The following SMAP1 variants were observed in gnomAD, a reference collection of about 807,000 sequenced individuals.
SMAP1 encodes the protein small ArfGAP 1.
In SMAP1, 24 loss-of-function variants were observed where a neutral mutation model predicts 58.5. The ratio of observed to expected loss-of-function variants is 0.41; its 90% CI spans 0.30 to 0.58. SMAP1 has a LOEUF of 0.58. SMAP1 is among the 20% of genes least tolerant of loss of function. The probability of loss-of-function intolerance (pLI) is 0.29; values close to 1 mark genes in which losing one functional copy is unlikely to be tolerated. For missense variants in SMAP1, 563 were observed against 566.3 expected, an observed-to-expected ratio of 0.99 and a Z score of 0.06; for synonymous variants, 216 against 196.6, an observed-to-expected ratio of 1.10 and a Z score of -0.82.
chr6:70,773,359 AT>A lies in SMAP1; in HGVS notation c.353del (p.Phe118SerfsTer17). 1 of 1,568,254 alleles carries A rather than the reference AT, an allele frequency of 6.4e-7. No homozygotes were observed. Among genetic ancestry groups the A allele is most frequent in the Non-Finnish European group, 8.7e-7 (1 of 1,145,426 alleles). ...RRPQTDQAVE[F>X]FIRDKYEKKK... ...AGTTATCTGTTTTCAGAGCAGTGGA[AT>A]TTTTCATCAGAGATAAATATGAAAA... On this transcript the variant is annotated frameshift_variant, in exon 4 of 11. Coordinates refer to ENST00000370455, the MANE Select transcript of SMAP1 (RefSeq NM_001044305.3). LOFTEE classifies it high-confidence loss of function.
chr6:70,860,013 GAAAGTAGAT>G, intron 10 of SMAP1, 178 bp from the exon 11 acceptor site: 1 of 536,528 alleles, frequency 1.9e-6, no homozygotes, highest in East Asian at 3.5e-5. Context: ...ACTGTATCTA[GAAAGTAGAT>G]AAAGAAGGGA....
chr6:70,670,351 A>G (rs1489550198), intron 1 of SMAP1, among the ~76,000 whole-genome samples: 1 of 152,250 alleles, frequency 6.6e-6, no homozygotes, highest in African/African-American at 2.4e-5. Context: ...CAGGCAAAAA[A>G]TCACAGGTAA....
intron 6 of SMAP1, among the ~76,000 whole-genome samples, chr6:70,820,012 C>T (rs1769815893): frequency 6.6e-6 from 1 of 152,254 alleles, no homozygotes; most frequent in Non-Finnish European, 1.5e-5. Context: ...TTGATTTCTG[C>T]TCCAGGAAGA....
chr6:70,698,108 C>T (rs1247794938), intron 1 of SMAP1, among the ~76,000 whole-genome samples: 1 of 152,140 alleles, frequency 6.6e-6, no homozygotes, highest in Non-Finnish European at 1.5e-5. Context: ...GATGAAATCC[C>T]TTAGCTTTTG....
rs147805669 is a variant in SMAP1, at chr6:70,856,944, CAGA to C, written c.881_883del (p.Glu294del). On this transcript the variant is annotated inframe_deletion, in exon 9 of 11. Coordinates refer to ENST00000370455, the MANE Select transcript of SMAP1 (RefSeq NM_001044305.3). The stretch of plus-strand genomic sequence containing the variant: ...TTATTCACTGAGCAAACTACAAAAT[CAGA>C]AGAAGTGGCAAAGAAACAACTTTCC... The C allele has an allele frequency of 2.7e-5, 43 of 1,613,940 alleles. No individual in the cohort carries two copies. Among genetic ancestry groups the C allele is most frequent in the Middle Eastern group, 3.3e-4 (2 of 6,060 alleles).
chr6:70,782,926 T>G (rs1767823087), intron 4 of SMAP1, among the ~76,000 whole-genome samples: 1 of 152,120 alleles, frequency 6.6e-6, no homozygotes, highest in South Asian at 2.1e-4. Context: ...ATCTGAGCTT[T>G]GAAGAGAGTA....
intron 1 of SMAP1, among the ~76,000 whole-genome samples, chr6:70,689,099 C>T (rs928205979): frequency 9.9e-5 from 15 of 152,030 alleles, no homozygotes; most frequent in African/African-American, 2.7e-4. Flanking sequence ...TCCCAATCTG[C>T]TTCAAGTGAT....
At chr6:70,763,108 T>C (rs1055956081) in intron 3 of SMAP1, among the ~76,000 whole-genome samples, 1 of 87,526 alleles carries the variant, frequency 1.1e-5, no homozygotes, top group African/African-American at 7.2e-5. Flanking sequence ...AGATATTACT[T>C]TTTTTTTTTT....
intron 1 of SMAP1, among the ~76,000 whole-genome samples, chr6:70,723,935 T>C (rs976785526): frequency 1.3e-5 from 2 of 152,180 alleles, no homozygotes; most frequent in Admixed American, 6.5e-5. Flanking sequence ...TATTATGTTA[T>C]TGGTTTGCTT....
At chr6:70,785,126 A>G (rs1211115315) in intron 4 of SMAP1, among the ~76,000 whole-genome samples, 1 of 152,256 alleles carries the variant, frequency 6.6e-6, no homozygotes, top group Non-Finnish European at 1.5e-5. Context: ...GTGCAATCAA[A>G]CTAGAACTCA....
chr6:70,806,629 A>T (rs1769146227), intron 6 of SMAP1, among the ~76,000 whole-genome samples: 1 of 152,182 alleles, frequency 6.6e-6, no homozygotes, highest in African/African-American at 2.4e-5. Context: ...TTGGATGAAG[A>T]TCCACCTCGT....
chr6:70,682,182 T>TG (rs1441231281), intron 1 of SMAP1, among the ~76,000 whole-genome samples: 1 of 22,464 alleles, frequency 4.5e-5, no homozygotes, highest in Non-Finnish European at 8.4e-5. Flanking sequence ...TTTTTTTTTT[T>TG]TTTTTTTTTT....
chr6:70,846,003 G>A (rs1387741784), intron 7 of SMAP1, among the ~76,000 whole-genome samples: 2 of 152,148 alleles, frequency 1.3e-5, no homozygotes, highest in Non-Finnish European at 1.5e-5. Flanking sequence ...CAGAGGAAGA[G>A]GAGCCAGTCC....
chr6:70,773,268 C>A, intron 3 of SMAP1, 82 bp from the exon 4 acceptor site: 1 of 790,602 alleles, frequency 1.3e-6, no homozygotes, highest in South Asian at 1.8e-5. Flanking sequence ...AATTTAGAGT[C>A]CCAGCTTTGT....
intron 3 of SMAP1, among the ~76,000 whole-genome samples, chr6:70,755,277 C>T (rs1050912231): frequency 1.1e-4 from 16 of 152,034 alleles, no homozygotes; most frequent in East Asian, 3.9e-4. Flanking sequence ...TAAAAATACA[C>T]GATACATATG....
intron 7 of SMAP1, among the ~76,000 whole-genome samples, chr6:70,847,293 G>T (rs2150006104): frequency 6.6e-6 from 1 of 152,250 alleles, no homozygotes; most frequent in African/African-American, 2.4e-5. Flanking sequence ...GATGTGAAGT[G>T]GGCCAGTGAA....
chr6:70,709,087 G>C (rs78405787), intron 1 of SMAP1, among the ~76,000 whole-genome samples: 1 of 36,880 alleles, frequency 2.7e-5, no homozygotes, highest in Non-Finnish European at 6.4e-5. Context: ...GGAGGTTTTT[G>C]TGTGTGTGTG....
At chr6:70,764,553 C>T (rs1325768215) in intron 3 of SMAP1, among the ~76,000 whole-genome samples, 3 of 152,200 alleles carry the variant, frequency 2.0e-5, no homozygotes. Flanking sequence ...TGCCTGTGCT[C>T]TCTAAGTGGA....
At chr6:70,744,576 T>G (rs1765947146) in intron 2 of SMAP1, among the ~76,000 whole-genome samples, 1 of 152,264 alleles carries the variant, frequency 6.6e-6, no homozygotes, top group African/African-American at 2.4e-5. Flanking sequence ...CTATCATTGA[T>G]GGACATTTGG....
Sources: gnomAD v4.1 joint callset for allele counts (sites outside exome capture counted in the v4.1 genomes callset) on GRCh38, gnomAD v4.1.1 for gene constraint, MANE v1.5 for transcripts, NCBI Gene and HGNC (gene_info 2026-07-23, HGNC 2026-07-21) for gene names.